The following DYSF variants were observed in gnomAD, a reference collection of about 807,000 sequenced individuals.
DYSF encodes the protein dystrophy-associated fer-1-like 1.
A neutral mutation model predicts 274.9 loss-of-function variants in DYSF; 212 were observed. The observed-to-expected ratio is 0.77, with a 90% CI of 0.69 to 0.86. DYSF has a LOEUF of 0.86. Among genes scored for constraint, DYSF ranks in the 40% least tolerant of loss-of-function variants. The pLI, the probability that DYSF is intolerant of heterozygous loss-of-function variation, is 0.00. For missense variants in DYSF, 2,666 were observed against 2,783.2 expected (o/e 0.96, Z 0.95); for synonymous variants, 1,091 against 1,078.7 (o/e 1.01, Z -0.22).
chr2:71,552,896 CA>C, intron 19 of DYSF, 114 bp from the exon 20 acceptor site: 1 of 1,056,238 alleles, frequency 9.5e-7, no homozygotes, highest in Non-Finnish European at 1.4e-6. Context: ...TCAGTCCAGC[CA>C]GGAGCTATTG....
chr2:71,509,993 G>A (rs2085915153), intron 4 of DYSF, among the ~76,000 whole-genome samples: 1 of 152,160 alleles, frequency 6.6e-6, no homozygotes, highest in Admixed American at 6.5e-5. Flanking sequence ...GGCCAGGCTG[G>A]TCTCAAACTC....
At chr2:71,653,987 A>G (rs1236366436) in intron 42 of DYSF, among the ~76,000 whole-genome samples, 1 of 152,214 alleles carries the variant, frequency 6.6e-6, no homozygotes, top group East Asian at 1.9e-4. Context: ...AAGGCAAGTG[A>G]CAGACTGGGA....
At chr2:71,647,155 T>G (rs2094579547) in intron 42 of DYSF, among the ~76,000 whole-genome samples, 1 of 152,266 alleles carries the variant, frequency 6.6e-6, no homozygotes, top group East Asian at 1.9e-4. Flanking sequence ...ACCATTCTCC[T>G]TAACTATCAA....
intron 3 of DYSF, among the ~76,000 whole-genome samples, chr2:71,502,079 CTGTGTGTG>C (rs71402986): frequency 0.36 from 51,736 of 143,726 alleles, 9,480 homozygotes; most frequent in Admixed American, 0.43. Flanking sequence ...CTCCATGACT[CTGTGTGTG>C]TGTGTGTGTG....
At chr2:71,596,891 C>A (rs1355464159) in intron 32 of DYSF, among the ~76,000 whole-genome samples, 1 of 152,188 alleles carries the variant, frequency 6.6e-6, no homozygotes, top group South Asian at 2.1e-4. Flanking sequence ...AACTTAGATA[C>A]CTCCTGCTCT....
At chr2:71,582,107 A>G (rs2092917215) in intron 30 of DYSF, among the ~76,000 whole-genome samples, 1 of 76,600 alleles carries the variant, frequency 1.3e-5, no homozygotes, top group African/African-American at 7.0e-5. Flanking sequence ...ACTCCGTCTC[A>G]AAAAAAAAAA....
intron 1 of DYSF, among the ~76,000 whole-genome samples, chr2:71,472,467 C>T (rs1056718929): frequency 5.3e-5 from 8 of 152,084 alleles, no homozygotes; most frequent in African/African-American, 1.4e-4. Context: ...AGTGGAGTGG[C>T]GCGATCTCGG....
At chr2:71,670,436 T>G (rs890804346) in intron 51 of DYSF, among the ~76,000 whole-genome samples, 3 of 152,238 alleles carry the variant, frequency 2.0e-5, no homozygotes, top group African/African-American at 7.2e-5. Flanking sequence ...TGGGAGTTGC[T>G]TGGCTAAGTC....
rs1553422765 is a variant in DYSF at position 71,682,621 on chromosome 2, TTCA to T, written c.6271_6273del (p.Ile2091del). ...GCGTTTCCGGTGGGCCATCATCCTCTTCATCATCCTCTTCATCCTGCTGCTGTT... is the reference window on the plus strand; with the variant it reads ...GCGTTTCCGGTGGGCCATCATCCTCTTCATCCTCTTCATCCTGCTGCTGTT... On this transcript the variant is annotated inframe_deletion, in exon 55 of 56. Coordinates refer to ENST00000410020, the MANE Select transcript of DYSF (RefSeq NM_001130987.2). The T allele has an allele frequency of 6.2e-7, 1 of 1,613,870 alleles. No individual in the cohort carries two copies.
Position 71,553,880 on chromosome 2 carries a change from C to T in DYSF, c.2058C>T (p.Ile686=), listed in dbSNP as rs938649493. 8 of 1,614,048 alleles carry T rather than the reference C, an allele frequency of 5.0e-6. No homozygotes were observed. In the East Asian group the frequency reaches 1.3e-4, roughly 27 times the overall value. Residue 686 remains isoleucine, a synonymous_variant, in exon 21 of 56, where the codon ATC becomes ATT. Coordinates refer to ENST00000410020, the MANE Select transcript of DYSF (RefSeq NM_001130987.2). ...TGCTGTCATCCTACTGGGAGGACATCAGCCATAGAATCGAGACTCAGAACC... is the reference window on the plus strand; with the variant it reads ...TGCTGTCATCCTACTGGGAGGACATTAGCCATAGAATCGAGACTCAGAACC... ...VVVLSSYWED[I]SHRIETQNQL...
At chr2:71,501,712 C>T (rs1006550890) in intron 3 of DYSF, among the ~76,000 whole-genome samples, 2 of 152,220 alleles carry the variant, frequency 1.3e-5, no homozygotes, top group Admixed American at 1.3e-4. Context: ...AAGGTCCATC[C>T]ATGTTGTAGC....
At chr2:71,669,786 G>A (rs1206507437) in intron 51 of DYSF, 40 bp downstream of exon 51, 3 of 1,613,844 alleles carry the variant, frequency 1.9e-6, no homozygotes, top group East Asian at 2.2e-5. Flanking sequence ...CAGCACCAGG[G>A]CTTCTAAAGT....
chr2:71,564,986 T>C, intron 24 of DYSF, among the ~76,000 whole-genome samples: 1 of 152,172 alleles, frequency 6.6e-6, no homozygotes, highest in Admixed American at 6.5e-5. Context: ...CCCTGCACGA[T>C]GGCTGCCCAG....
intron 41 of DYSF, among the ~76,000 whole-genome samples, chr2:71,626,450 A>ATG: frequency 6.6e-6 from 1 of 150,718 alleles, no homozygotes; most frequent in Non-Finnish European, 1.5e-5. Context: ...ATATTTACAT[A>ATG]TGTTAATTAA....
intron 3 of DYSF, 58 bp from the exon 4 acceptor site, chr2:71,503,156 C>T (rs1198144096): frequency 6.7e-7 from 1 of 1,500,022 alleles, no homozygotes; most frequent in East Asian, 2.3e-5. Context: ...AGGGGTCTGG[C>T]AGAAGAGCCA....
At chr2:71,635,847 G>A (rs1248845106) in intron 41 of DYSF, among the ~76,000 whole-genome samples, 5 of 151,886 alleles carry the variant, frequency 3.3e-5, no homozygotes, top group African/African-American at 9.7e-5. Flanking sequence ...TAATACCCAC[G>A]TAAAATCTAT....
intron 9 of DYSF, 87 bp downstream of exon 9, chr2:71,516,329 T>C: frequency 7.0e-6 from 9 of 1,281,134 alleles, no homozygotes; most frequent in Non-Finnish European, 1.0e-5. Flanking sequence ...TGTGCACGTG[T>C]GTGCATGTGC....
upstream of DYSF, among the ~76,000 whole-genome samples, chr2:71,463,256 C>T (rs930648177): frequency 1.3e-5 from 2 of 152,220 alleles, no homozygotes; most frequent in Admixed American, 6.5e-5. Context: ...ACACATCTGG[C>T]TGGGTTGCAA....
At chr2:71,553,475 T>G (rs778896980) in intron 20 of DYSF, among the ~76,000 whole-genome samples, 2 of 152,206 alleles carry the variant, frequency 1.3e-5, no homozygotes, top group Non-Finnish European at 2.9e-5. Flanking sequence ...TTAGGGAGTG[T>G]GGCCTTGGGT....
Sources: gnomAD v4.1 joint callset for allele counts (sites outside exome capture counted in the v4.1 genomes callset) on GRCh38, gnomAD v4.1.1 for gene constraint, MANE v1.5 for transcripts, NCBI Gene and HGNC (gene_info 2026-07-23, HGNC 2026-07-21) for gene names.